The following NR5A2 variants were observed in gnomAD, a reference collection of about 807,000 sequenced individuals.
NR5A2 encodes the protein nuclear receptor subfamily 5 group A member 2.
Under a neutral mutation model 62.7 loss-of-function variants are expected in NR5A2, and 26 were observed. The ratio of observed to expected loss-of-function variants is 0.41; its 90% CI spans 0.30 to 0.58. The LOEUF is 0.58. Among genes scored for constraint, NR5A2 ranks in the 20% least tolerant of loss-of-function variants. The pLI, the probability that NR5A2 is intolerant of heterozygous loss-of-function variation, is 0.22. For synonymous variants in NR5A2, 246 were observed against 241.7 expected (o/e 1.02, Z -0.16); for missense variants, 541 against 669.1 (o/e 0.81, Z 2.11).
chr1:200,145,689 A>G (rs113824959), intron 7 of NR5A2, among the ~76,000 whole-genome samples: 3,095 of 152,188 alleles, frequency 0.02, 113 homozygotes, highest in African/African-American at 0.07. Context: ...TGCAGTGGCA[A>G]TGGCCATAGC....
At chr1:200,169,861 T>C (rs956092650) in intron 7 of NR5A2, among the ~76,000 whole-genome samples, 2 of 152,232 alleles carry the variant, frequency 1.3e-5, no homozygotes, top group African/African-American at 2.4e-5. Context: ...GAAGCTTATA[T>C]AAATTTCAAA....
In NR5A2 at chr1:200,115,431, G is replaced by A. The variant is rs185450656; in HGVS notation, c.1230+4110G>A. On this transcript the variant is annotated intron_variant, in intron 6 of 7. Coordinates refer to ENST00000367362, the MANE Select transcript of NR5A2 (RefSeq NM_205860.3). Reference sequence around the variant, plus strand: ...TGAAGCACTGTATTGAGGCCATGTTGTTGATATCATGGGAAAAAGTAAATG... The same window carrying A: ...TGAAGCACTGTATTGAGGCCATGTTATTGATATCATGGGAAAAAGTAAATG... Among the ~76,000 whole-genome samples, 4 of 152,264 alleles carry A rather than the reference G, an allele frequency of 2.6e-5. No homozygotes were observed. In the East Asian group the frequency reaches 7.7e-4, roughly 29 times the overall value.
At chr1:200,168,104 TAATA>T (rs887752594) in intron 7 of NR5A2, among the ~76,000 whole-genome samples, 7 of 152,192 alleles carry the variant, frequency 4.6e-5, no homozygotes, top group East Asian at 1.9e-4. Flanking sequence ...AGGTATGAAA[TAATA>T]AATAAAGCAT....
At chr1:200,034,439 A>C (rs12407544) in intron 1 of NR5A2, among the ~76,000 whole-genome samples, 1 of 152,112 alleles carries the variant, frequency 6.6e-6, no homozygotes, top group Non-Finnish European at 1.5e-5. Flanking sequence ...CTGGCGGGGC[A>C]CTCCAGGACC....
intron 5 of NR5A2, among the ~76,000 whole-genome samples, chr1:200,070,432 G>A (rs1663686413): frequency 6.6e-6 from 1 of 152,122 alleles, no homozygotes; most frequent in African/African-American, 2.4e-5. Flanking sequence ...GATCACACCT[G>A]TAATCCCAGC....
intron 5 of NR5A2, among the ~76,000 whole-genome samples, chr1:200,056,013 C>G (rs2102183692): frequency 6.6e-6 from 1 of 152,298 alleles, no homozygotes; most frequent in East Asian, 1.9e-4. Context: ...TCTAAGGTCT[C>G]TTCAGGTGTT....
intron 4 of NR5A2, among the ~76,000 whole-genome samples, chr1:200,046,957 A>AT (rs1192508558): frequency 2.6e-5 from 4 of 152,220 alleles, no homozygotes; most frequent in African/African-American, 9.6e-5. Context: ...ACAACTGAAT[A>AT]TTCAATAAAT....
intron 6 of NR5A2, among the ~76,000 whole-genome samples, chr1:200,112,737 T>C (rs1666014958): frequency 6.6e-6 from 1 of 152,214 alleles, no homozygotes; most frequent in African/African-American, 2.4e-5. Flanking sequence ...CTTTCAAATT[T>C]TTTTTGGCAT....
intron 7 of NR5A2, among the ~76,000 whole-genome samples, chr1:200,159,406 C>T (rs1374218471): frequency 6.6e-6 from 1 of 152,052 alleles, no homozygotes; most frequent in African/African-American, 2.4e-5. Flanking sequence ...AGATGTCACC[C>T]AGGGCCACAT....
At chr1:200,078,158 A>G (rs979189518) in intron 5 of NR5A2, among the ~76,000 whole-genome samples, 4 of 152,196 alleles carry the variant, frequency 2.6e-5, no homozygotes, top group East Asian at 1.9e-4. Flanking sequence ...ATTTTCTAAC[A>G]TATCTACGTT....
intron 1 of NR5A2, among the ~76,000 whole-genome samples, chr1:200,036,985 A>G (rs1661808336): frequency 6.6e-6 from 1 of 152,024 alleles, no homozygotes; most frequent in East Asian, 1.9e-4. Context: ...CACCCCTCCC[A>G]TTTTGTGAGG....
At chr1:200,061,337 G>A (rs1038657281) in intron 5 of NR5A2, among the ~76,000 whole-genome samples, 6 of 137,368 alleles carry the variant, frequency 4.4e-5, no homozygotes, top group Non-Finnish European at 9.1e-5. Context: ...GGAGTGTAAT[G>A]GCGTGATCTT....
At chr1:200,133,505 C>A (rs956304107) in intron 7 of NR5A2, among the ~76,000 whole-genome samples, 3 of 134,384 alleles carry the variant, frequency 2.2e-5, no homozygotes, top group East Asian at 2.2e-4. Flanking sequence ...CACTGATGGA[C>A]TATATATATA....
chr1:200,037,505 T>G (rs1661835791), intron 1 of NR5A2, among the ~76,000 whole-genome samples: 1 of 152,212 alleles, frequency 6.6e-6, no homozygotes, highest in Non-Finnish European at 1.5e-5. Context: ...TGAAATAAAC[T>G]GATTTTCAAA....
chr1:200,077,029 G>GA (rs1302207318), intron 5 of NR5A2, among the ~76,000 whole-genome samples: 1 of 152,114 alleles, frequency 6.6e-6, no homozygotes, highest in East Asian at 1.9e-4. Context: ...CCTTTTTCAA[G>GA]AAAAAACCTA....
At chr1:200,167,426 C>T (rs1398884314) in intron 7 of NR5A2, among the ~76,000 whole-genome samples, 1 of 152,114 alleles carries the variant, frequency 6.6e-6, no homozygotes, top group Non-Finnish European at 1.5e-5. Context: ...TGATGCCTTT[C>T]AAGTCCCTCC....
intron 6 of NR5A2, among the ~76,000 whole-genome samples, chr1:200,112,316 A>G (rs1166840764): frequency 1.3e-5 from 2 of 152,150 alleles, no homozygotes; most frequent in African/African-American, 4.8e-5. Flanking sequence ...AAGTCTCTCC[A>G]GTTTCTTAAC....
chr1:200,074,718 C>T (rs2821308), intron 5 of NR5A2, among the ~76,000 whole-genome samples: 3 of 82,676 alleles, frequency 3.6e-5, no homozygotes, highest in Non-Finnish European at 6.6e-5. Context: ...GTCTGGGCGA[C>T]AGGGCGAGAG....
At chr1:200,049,516 G>A (rs1010376549) in intron 5 of NR5A2, among the ~76,000 whole-genome samples, 4 of 152,116 alleles carry the variant, frequency 2.6e-5, no homozygotes, top group African/African-American at 9.7e-5. Flanking sequence ...TTTGTATAGG[G>A]ATCTATGTTT....
Sources: allele counts gnomAD v4.1 joint callset (sites outside exome capture counted in the v4.1 genomes callset), GRCh38; gene constraint gnomAD v4.1.1; transcripts MANE v1.5; gene names NCBI Gene and HGNC (gene_info 2026-07-23, HGNC 2026-07-21).